The following ZFX variants were observed in gnomAD, a reference collection of about 807,000 sequenced individuals.
ZFX encodes zinc finger X-chromosomal protein.
For missense variants in ZFX, 362 were observed against 628.3 expected (o/e 0.58, Z 4.53); for synonymous variants, 196 against 226.8 (o/e 0.86, Z 1.22).
At chrX:24,181,665 A>G (rs747388108) in intron 5 of ZFX, among the ~76,000 whole-genome samples, 1 of 112,039 alleles carries the variant, frequency 8.9e-6, no homozygotes, top group East Asian at 2.8e-4. Context: ...GGGTGTACAC[A>G]TTTACAAGTT....
intron 5 of ZFX, among the ~76,000 whole-genome samples, chrX:24,196,360 T>A (rs780980259): frequency 9.0e-6 from 1 of 110,995 alleles, no homozygotes; most frequent in East Asian, 2.8e-4. Flanking sequence ...TGATCCACCT[T>A]CCTTGGCCTC....
At position 24,214,591 on chromosome X, in the gene ZFX, G is replaced by A. The variant is rs1027969026; in HGVS notation, c.*3215G>A. On this transcript the variant is annotated 3_prime_UTR_variant, in exon 10 of 10. Transcript: ENST00000304543. ...TTGATTGCTTTGAATTTTGTGACTC[G>A]GATGCAAATACTGGTAATATTTCAG... 1 of 112,151 alleles carries A rather than the reference G, an allele frequency of 8.9e-6. No homozygotes were observed. The highest frequency in any genetic ancestry group is 3.2e-5 in the African/African-American group (1 of 30,803). 9.2% of individuals were successfully genotyped at this position (112,151 alleles called of 1,213,427 possible).
At chrX:24,172,825 T>C (rs1256430571) in intron 4 of ZFX, 25 bp downstream of exon 4, 1 of 1,172,642 alleles carries the variant, frequency 8.5e-7, no homozygotes, top group Non-Finnish European at 1.1e-6. Context: ...ATTGTTCCAC[T>C]TCCCATCTAC....
In ZFX at chrX:24,208,313, C is replaced by G. The variant is rs769342733; in HGVS notation, c.1036C>G (p.Gln346Glu). Residue 346 changes from glutamine (Q) to glutamate (E), a missense_variant, in exon 8 of 10, where the codon CAA (glutamine) becomes GAA (glutamate). Coordinates refer to ENST00000304543, the MANE Select transcript of ZFX (RefSeq NM_003410.4). ...AAAAAAVHEQ[Q>E]MDDNEIKTFM... ...GGCAGCCGCCGCCGTGCACGAGCAG[C>G]AAATGGATGACAATGAAATCAAAAC... 2.5e-6 allele frequency: 3 copies of G among 1,209,157 alleles called. No individual in the cohort carries two copies. The Admixed American group carries it at 6.6e-5, about 27-fold the overall frequency.
chrX:24,205,421 A>G (rs1379535984), intron 5 of ZFX, among the ~76,000 whole-genome samples: 1 of 112,740 alleles, frequency 8.9e-6, no homozygotes, highest in Non-Finnish European at 1.9e-5. Flanking sequence ...GTAAGGCTAC[A>G]TTATATGGGG....
chrX:24,152,138 A>ATT (rs76741578), intron 2 of ZFX, among the ~76,000 whole-genome samples: 8 of 100,133 alleles, frequency 8.0e-5, no homozygotes, highest in South Asian at 4.4e-4. Flanking sequence ...TCCCGTGGTA[A>ATT]TTTTTTTTTT....
chrX:24,209,064 C>T (rs773517234), intron 9 of ZFX, 24 bp downstream of exon 9: 6 of 1,211,530 alleles, frequency 5.0e-6, no homozygotes, highest in African/African-American at 1.7e-5. Flanking sequence ...AGTTCCATGG[C>T]GCAGCGTGCT....
intron 5 of ZFX, among the ~76,000 whole-genome samples, chrX:24,204,887 C>T (rs1019072173): frequency 6.3e-5 from 7 of 111,997 alleles, no homozygotes; most frequent in Non-Finnish European, 1.3e-4. Flanking sequence ...TAAATGGTAG[C>T]TGCATTATTA....
At chrX:24,177,919 T>G in intron 4 of ZFX, 1 of 695,409 alleles carries the variant, frequency 1.4e-6, no homozygotes, top group Non-Finnish European at 1.7e-6. Context: ...GAAGTTGCAT[T>G]ACTTAATTTT....
chrX:24,152,987 T>C (rs1932366155), intron 3 of ZFX, among the ~76,000 whole-genome samples, 157 bp downstream of exon 3: 1 of 112,664 alleles, frequency 8.9e-6, no homozygotes, highest in Admixed American at 9.4e-5. Flanking sequence ...TTTCTGTGTA[T>C]TTTTCAGATA....
chrX:24,161,565 G>A (rs973442419), intron 3 of ZFX: 1 of 111,552 alleles, frequency 9.0e-6, no homozygotes, highest in African/African-American at 3.3e-5. Context: ...GAGTCCAAAA[G>A]TTGACCTACA....
chrX:24,198,412 C>G (rs1937062536), intron 5 of ZFX, among the ~76,000 whole-genome samples: 1 of 109,265 alleles, frequency 9.2e-6, no homozygotes, highest in Non-Finnish European at 1.9e-5. Context: ...ATTACCCAGG[C>G]TGAAGCAATC....
At chrX:24,207,628 A>T in intron 6 of ZFX, 84 bp from the exon 7 acceptor site, 2 of 1,148,027 alleles carry the variant, frequency 1.7e-6, no homozygotes, top group Non-Finnish European at 2.3e-6. Context: ...TGTAAAAAGT[A>T]ATAAGAAAAT....
chrX:24,174,046 A>G (rs1428264049), intron 4 of ZFX, among the ~76,000 whole-genome samples: 1 of 109,692 alleles, frequency 9.1e-6, no homozygotes, highest in Non-Finnish European at 1.9e-5. Flanking sequence ...CCCCGTCTCT[A>G]CTAAAAATAC....
chrX:24,149,157 C>T (rs1164811889), upstream of ZFX: 1 of 109,790 alleles, frequency 9.1e-6, no homozygotes, highest in African/African-American at 3.3e-5. Flanking sequence ...TCCTCCCCAG[C>T]CACGGGGATG....
intron 3 of ZFX, 114 bp downstream of exon 3, chrX:24,152,944 A>G (rs1355189199): frequency 1.8e-5 from 2 of 112,467 alleles, no homozygotes; most frequent in South Asian, 7.3e-4. Flanking sequence ...TTCGAACCCA[A>G]CCACCCTGGA....
intron 5 of ZFX, among the ~76,000 whole-genome samples, chrX:24,183,392 C>T (rs895423438): frequency 9.0e-6 from 1 of 111,252 alleles, no homozygotes; most frequent in Admixed American, 9.5e-5. Context: ...CACCATGTTG[C>T]CTAGGCTGGT....
At chrX:24,166,351 C>T (rs1933994692) in intron 3 of ZFX, among the ~76,000 whole-genome samples, 1 of 112,202 alleles carries the variant, frequency 8.9e-6, no homozygotes, top group Non-Finnish European at 1.9e-5. Flanking sequence ...TGAGCAAAGC[C>T]TACAAAAGTT....
chrX:24,195,066 T>C (rs182374242), intron 5 of ZFX, among the ~76,000 whole-genome samples: 188 of 111,853 alleles, frequency 1.7e-3, no homozygotes, highest in Middle Eastern at 9.3e-3. Context: ...GCTTTTGTTA[T>C]ATACTACGTT....
Sources: gnomAD v4.1 joint callset for allele counts (sites outside exome capture counted in the v4.1 genomes callset) on GRCh38, gnomAD v4.1.1 for gene constraint, MANE v1.5 for transcripts, NCBI Gene and HGNC (gene_info 2026-07-23, HGNC 2026-07-21) for gene names.